The following TMEM178A variants were observed in gnomAD, a reference collection of about 807,000 sequenced individuals.
TMEM178A encodes the protein transmembrane protein 178A, also known as transmembrane protein 178.
A neutral mutation model predicts 29.1 loss-of-function variants in TMEM178A; 12 were observed. The observed-to-expected ratio is 0.41, with a 90% CI of 0.26 to 0.67. The LOEUF (loss-of-function observed/expected upper bound fraction) is 0.67. TMEM178A is among the 30% of genes least tolerant of loss of function. TMEM178A has a pLI of 0.29. For synonymous variants in TMEM178A, 210 were observed against 187.2 expected (o/e 1.12, Z -0.99); for missense variants, 366 against 419.1 (o/e 0.87, Z 1.11).
chr2:39,701,919 C>A (rs550146546), intron 1 of TMEM178A, among the ~76,000 whole-genome samples: 125 of 152,116 alleles, frequency 8.2e-4, no homozygotes, highest in Admixed American at 4.0e-3. Flanking sequence ...TGCTAATATT[C>A]TCTATTTAGT....
At chr2:39,677,771 C>A (rs1377053390) in intron 1 of TMEM178A, among the ~76,000 whole-genome samples, 1 of 152,036 alleles carries the variant, frequency 6.6e-6, no homozygotes, top group Non-Finnish European at 1.5e-5. Context: ...ACCGAGAGAC[C>A]TATTTATTAC....
intron 1 of TMEM178A, among the ~76,000 whole-genome samples, chr2:39,697,335 A>C (rs1216252331): frequency 6.6e-6 from 1 of 152,194 alleles, no homozygotes. Flanking sequence ...CTTCAAATCT[A>C]TCTGACTTTC....
intron 1 of TMEM178A, among the ~76,000 whole-genome samples, chr2:39,692,687 GC>G (rs1671375388): frequency 6.6e-6 from 1 of 152,128 alleles, no homozygotes; most frequent in African/African-American, 2.4e-5. Context: ...TCAACTATGG[GC>G]TAGGCACTGT....
At chr2:39,711,601 A>T (rs1672304656) in intron 3 of TMEM178A, among the ~76,000 whole-genome samples, 1 of 152,180 alleles carries the variant, frequency 6.6e-6, no homozygotes, top group Admixed American at 6.5e-5. Context: ...GGGACAGTTA[A>T]CACCCACCCA....
At chr2:39,721,616 A>G (rs11679228), downstream of TMEM178A, among the ~76,000 whole-genome samples, 2 of 152,184 alleles carry the variant, frequency 1.3e-5, no homozygotes, top group Non-Finnish European at 2.9e-5. Flanking sequence ...CTTGCTGGTC[A>G]CAGTAAAGAG....
intron 1 of TMEM178A, among the ~76,000 whole-genome samples, chr2:39,673,494 A>AT (rs1670489147): frequency 1.3e-5 from 2 of 152,128 alleles, no homozygotes; most frequent in African/African-American, 4.8e-5. Flanking sequence ...CAATCAACTC[A>AT]TTTTTCCCCT....
chr2:39,732,011 C>T, the TMEM178A span, among the ~76,000 whole-genome samples: 2 of 152,276 alleles, frequency 1.3e-5, no homozygotes, highest in South Asian at 4.1e-4. Context: ...ATAACATGTC[C>T]ATCCACATTC....
chr2:39,732,496 C>T, the TMEM178A span, among the ~76,000 whole-genome samples: 2 of 152,108 alleles, frequency 1.3e-5, no homozygotes, highest in Admixed American at 1.3e-4. Context: ...TTTGGCTTGG[C>T]GTGTCATTAC....
downstream of TMEM178A, among the ~76,000 whole-genome samples, chr2:39,720,234 G>A (rs959666762): frequency 4.6e-5 from 7 of 152,124 alleles, no homozygotes; most frequent in African/African-American, 7.2e-5. Flanking sequence ...CGGGTGGGGG[G>A]TGCCTCTTAA....
chr2:39,669,782 C>T (rs1670333884), intron 1 of TMEM178A, among the ~76,000 whole-genome samples: 1 of 152,204 alleles, frequency 6.6e-6, no homozygotes, highest in South Asian at 2.1e-4. Flanking sequence ...TTGACCAATC[C>T]ACATTTCACT....
At chr2:39,693,590 A>G (rs976863945) in intron 1 of TMEM178A, among the ~76,000 whole-genome samples, 3 of 152,284 alleles carry the variant, frequency 2.0e-5, no homozygotes, top group East Asian at 1.9e-4. Context: ...TAGTGTCTCT[A>G]CATTGTGGTT....
chr2:39,667,393 T>C (rs114431255), intron 1 of TMEM178A, among the ~76,000 whole-genome samples: 182 of 151,768 alleles, frequency 1.2e-3, no homozygotes, highest in Admixed American at 2.1e-3. Flanking sequence ...TGACAACTTG[T>C]GAAGCTTCCT....
intron 1 of TMEM178A, among the ~76,000 whole-genome samples, chr2:39,671,490 A>G (rs1425827235): frequency 2.0e-5 from 3 of 152,190 alleles, no homozygotes; most frequent in African/African-American, 7.2e-5. Context: ...GGGTTAAAAG[A>G]TGCTGCTGGT....
chr2:39,681,927 A>T (rs2716682), intron 1 of TMEM178A, among the ~76,000 whole-genome samples: 78,109 of 151,930 alleles, frequency 0.51, 21,050 homozygotes, highest in East Asian at 0.85. Flanking sequence ...TGTACTCCAG[A>T]GGGAGAGGAA....
intron 1 of TMEM178A, among the ~76,000 whole-genome samples, chr2:39,678,884 G>C (rs369830481): frequency 6.6e-6 from 1 of 152,090 alleles, no homozygotes; most frequent in African/African-American, 2.4e-5. Flanking sequence ...ATGCACTTTC[G>C]TATCTCTGTG....
chr2:39,727,507 A>G, the TMEM178A span, among the ~76,000 whole-genome samples: 5 of 152,350 alleles, frequency 3.3e-5, no homozygotes, highest in East Asian at 5.8e-4. Flanking sequence ...CATTTACTTA[A>G]TATCTAAGTG....
At chr2:39,735,116 G>A in the TMEM178A span, among the ~76,000 whole-genome samples, 996 of 152,248 alleles carry the variant, frequency 6.5e-3, 13 homozygotes, top group African/African-American at 0.023. Context: ...CAGTGGTTTT[G>A]AGTAAAAGCT....
chr2:39,697,917 T>G (rs556491160), intron 1 of TMEM178A: 1 of 152,332 alleles, frequency 6.6e-6, no homozygotes, highest in East Asian at 1.9e-4. Context: ...AGGCCAGCTC[T>G]TGTGAGTCTG....
At chr2:39,681,661 G>A (rs1364111124) in intron 1 of TMEM178A, among the ~76,000 whole-genome samples, 1 of 152,118 alleles carries the variant, frequency 6.6e-6, no homozygotes, top group African/African-American at 2.4e-5. Flanking sequence ...CACTAGGGAA[G>A]AGTCTTACAA....
Sources: gnomAD v4.1 joint callset for allele counts (sites outside exome capture counted in the v4.1 genomes callset) on GRCh38, gnomAD v4.1.1 for gene constraint, MANE v1.5 for transcripts, NCBI Gene and HGNC (gene_info 2026-07-23, HGNC 2026-07-21) for gene names.